Variants in FREM1 observed in about 807,000 individuals in gnomAD.
FREM1 encodes FRAS1-related extracellular matrix protein 1.
FREM1 carries 220 observed loss-of-function variants against 210.1 expected under a neutral mutation model. The observed-to-expected ratio is 1.05, with a 90% CI of 0.94 to 1.17. The LOEUF is 1.17. Among genes scored for constraint, FREM1 ranks in the 50% most tolerant of loss-of-function variants. The pLI, the probability that FREM1 is intolerant of heterozygous loss-of-function variation, is 0.00. For missense variants in FREM1, 3,454 were observed against 2,675.5 expected (o/e 1.29, Z -6.42); for synonymous variants, 1,189 against 980.2 (o/e 1.21, Z -3.98).
In FREM1 at chr9:14,907,927, TG is replaced by T. The variant is rs1818061822; in HGVS notation, c.-268+1986del. Among the ~76,000 whole-genome samples the T allele has an allele frequency of 5.9e-5, 9 of 152,282 alleles. No individual in the cohort carries two copies. In the South Asian group the frequency reaches 1.9e-3, roughly 32 times the overall value. On this transcript the variant is annotated intron_variant, in intron 1 of 36. Coordinates refer to ENST00000380880, the MANE Select transcript of FREM1 (RefSeq NM_001379081.2). ...AGGGGTTAGATGGCTCTTCCAAGGC[TG>T]GTTAGCAACAACTAAGATTTGAAAC...
chr9:14,769,870 T>TA lies in FREM1; in HGVS notation c.5060-3dup. ...TAAATTTCTCATGGATAAATTCACC[T>TA]AAAAAAAGAAATAAATGAATATCAT... On this transcript the variant is annotated splice_region_variant and splice_polypyrimidine_tract_variant and intron_variant, in intron 26 of 36. Coordinates refer to ENST00000380880, the MANE Select transcript of FREM1 (RefSeq NM_001379081.2). The TA allele has an allele frequency of 4.2e-6, 6 of 1,437,908 alleles. No individual in the cohort carries two copies. Among genetic ancestry groups the TA allele is most frequent in the South Asian group, 3.9e-5 (3 of 76,276 alleles). 89.1% of individuals were successfully genotyped at this position (1,437,908 alleles called of 1,614,324 possible). A position where few individuals can be genotyped will look rare whatever the true frequency, so the allele number is the denominator to read the frequency against.
intron 27 of FREM1, among the ~76,000 whole-genome samples, chr9:14,769,081 G>A (rs1261008064): frequency 6.6e-6 from 1 of 152,160 alleles, no homozygotes; most frequent in Non-Finnish European, 1.5e-5. Context: ...GTCTAGAGTA[G>A]GGACCCAGTC....
At position 14,747,264 on chromosome 9, in the gene FREM1, C is replaced by T. The variant is rs1220182676; in HGVS notation, c.6009G>A (p.Gln2003=). The change falls in exon 33 of 37, where the codon CAG becomes CAA. Residue 2003 remains glutamine (Q), a splice_region_variant and synonymous_variant. Coordinates refer to ENST00000380880, the MANE Select transcript of FREM1 (RefSeq NM_001379081.2). ...TAAGAAGGAACAAAGATTTTCATAC[C>T]TGTCTGGGGAAGTGTGAGTCAGTTG... ...ESTTDSHFPR[Q]DQLPSFPKNC... 1 of 1,608,506 alleles carries T rather than the reference C, an allele frequency of 6.2e-7. No homozygotes were observed. The highest frequency in any genetic ancestry group is 2.2e-5 in the East Asian group (1 of 44,808).
chr9:14,790,387 T>C (rs1851095688), intron 22 of FREM1, among the ~76,000 whole-genome samples: 1 of 152,174 alleles, frequency 6.6e-6, no homozygotes, highest in Admixed American at 6.6e-5. Context: ...GGAAGTTAAT[T>C]ACATCATAAT....
At chr9:14,860,500 T>C (rs1398861622) in intron 3 of FREM1, among the ~76,000 whole-genome samples, 4 of 147,854 alleles carry the variant, frequency 2.7e-5, no homozygotes, top group Non-Finnish European at 6.0e-5. Flanking sequence ...AAATTTATTT[T>C]TACTTTTAAT....
rs1242996909 is a variant in FREM1, at chr9:14,857,684, G to A, written c.697C>T (p.Leu233Phe). The stretch of plus-strand genomic sequence containing the variant: ...AGGAACTCCTCACAGCTCACTTTGA[G>A]GCTTCCTATTTTCTTTAATCCTGGG... ...CTPGLKKIGSLKVSCEEFLLM... is the reference protein window; with the variant it reads ...CTPGLKKIGSFKVSCEEFLLM... Residue 233 changes from leucine to phenylalanine, a missense_variant, in exon 5 of 37, where the codon CTC becomes TTC. Physicochemically the swap from Leu to Phe is conservative, Grantham distance 22. Transcript: ENST00000380880. 5.6e-6 allele frequency: 9 copies of A among 1,613,798 alleles called. No individual in the cohort carries two copies. The highest frequency in any genetic ancestry group is 6.8e-6 in the Non-Finnish European group (8 of 1,179,808).
intron 27 of FREM1, 47 bp downstream of exon 27, chr9:14,769,677 A>T (rs780199348): frequency 2.5e-6 from 4 of 1,580,092 alleles, no homozygotes; most frequent in Non-Finnish European, 3.4e-6. Context: ...ATTCAGATAC[A>T]TTATGGATGT....
chr9:14,900,413 C>G (rs1838571735), intron 1 of FREM1, among the ~76,000 whole-genome samples: 1 of 152,118 alleles, frequency 6.6e-6, no homozygotes, highest in South Asian at 2.1e-4. Context: ...CTTTGGTGTC[C>G]AAAGACTGAA....
Position 14,869,081 on chromosome 9 carries a change from G to C in FREM1, c.-104C>G. On this transcript the variant is annotated 5_prime_UTR_variant, in exon 2 of 37. Coordinates refer to ENST00000380880, the MANE Select transcript of FREM1 (RefSeq NM_001379081.2). ...GGTCAGCTCATAGTCCAAGGGGCAG[G>C]GTGAGGGGTCCTGACAATGTGCCCC... 2 of 709,296 alleles carry C rather than the reference G, an allele frequency of 2.8e-6. No individual in the cohort carries two copies. The highest frequency in any genetic ancestry group is 4.6e-6 in the Non-Finnish European group (2 of 439,436). 43.9% of individuals were successfully genotyped at this position (709,296 alleles called of 1,614,324 possible).
At chr9:14,803,182 C>T (rs944883606) in intron 19 of FREM1, among the ~76,000 whole-genome samples, 4 of 138,254 alleles carry the variant, frequency 2.9e-5, no homozygotes, top group Admixed American at 7.4e-5. Flanking sequence ...CTCTTTCCCT[C>T]CTTCCCTTCC....
chr9:14,742,346 C>T (rs1035416013), intron 35 of FREM1, among the ~76,000 whole-genome samples: 1 of 152,076 alleles, frequency 6.6e-6, no homozygotes, highest in Admixed American at 6.6e-5. Context: ...AACAAAATGG[C>T]TTCATAGATA....
chr9:14,862,496 A>G (rs1485813114), intron 3 of FREM1, among the ~76,000 whole-genome samples: 1 of 152,192 alleles, frequency 6.6e-6, no homozygotes, highest in Admixed American at 6.5e-5. Context: ...TTTAAAATTA[A>G]TTTTCACTGG....
chr9:14,876,392 CT>C, intron 1 of FREM1, among the ~76,000 whole-genome samples: 2 of 152,222 alleles, frequency 1.3e-5, no homozygotes, highest in East Asian at 3.9e-4. Flanking sequence ...GCGGGCGCCC[CT>C]CCCCCAGCCT....
At chr9:14,790,819 C>G (rs1851178656) in intron 22 of FREM1, 2 of 152,228 alleles carry the variant, frequency 1.3e-5, no homozygotes, top group Non-Finnish European at 2.9e-5. Context: ...CTGGACCCAT[C>G]TGCATTTTCA....
intron 30 of FREM1, among the ~76,000 whole-genome samples, chr9:14,749,356 G>C (rs1420864099): frequency 1.3e-5 from 2 of 152,134 alleles, no homozygotes; most frequent in Non-Finnish European, 2.9e-5. Flanking sequence ...ATAAAGAAAA[G>C]AGGGGAGGTC....
chr9:14,817,330 T>C (rs2130653038), intron 14 of FREM1, among the ~76,000 whole-genome samples: 1 of 152,338 alleles, frequency 6.6e-6, no homozygotes, highest in Admixed American at 6.5e-5. Context: ...TATTCAGCTT[T>C]TCTCTAAAAC....
At chr9:14,860,824 T>TAC (rs1829954405) in intron 3 of FREM1, among the ~76,000 whole-genome samples, 1 of 93,000 alleles carries the variant, frequency 1.1e-5, no homozygotes, top group East Asian at 3.2e-4. Flanking sequence ...TACACATATA[T>TAC]ACATATATAC....
At chr9:14,805,771 G>T (rs970174651) in intron 18 of FREM1, among the ~76,000 whole-genome samples, 1 of 152,182 alleles carries the variant, frequency 6.6e-6, no homozygotes, top group African/African-American at 2.4e-5. Flanking sequence ...TTCAAAAGGG[G>T]TTTGGAGAAT....
intron 20 of FREM1, among the ~76,000 whole-genome samples, chr9:14,798,570 A>G (rs1463892902): frequency 6.6e-6 from 1 of 152,144 alleles, no homozygotes; most frequent in Non-Finnish European, 1.5e-5. Context: ...TGATCATCCC[A>G]CTTCACTCAA....
Sources: gnomAD v4.1 joint callset for allele counts (sites outside exome capture counted in the v4.1 genomes callset) on GRCh38, gnomAD v4.1.1 for gene constraint, MANE v1.5 for transcripts, NCBI Gene and HGNC (gene_info 2026-07-23, HGNC 2026-07-21) for gene names.